Variants in SFMBT1 observed in about 807,000 individuals in gnomAD.
SFMBT1 encodes the protein scm-like with four MBT domains protein 1.
A neutral mutation model predicts 108.7 loss-of-function variants in SFMBT1; 32 were observed. The observed-to-expected ratio is 0.29, with a 90% CI of 0.22 to 0.40. SFMBT1 has a LOEUF of 0.40. Ranked by LOEUF, SFMBT1 falls within the 10% of genes least tolerant of loss-of-function variation. The pLI, the probability that SFMBT1 is intolerant of heterozygous loss-of-function variation, is 1.00. For synonymous variants in SFMBT1, 348 were observed against 369.5 expected, an observed-to-expected ratio of 0.94 and a Z score of 0.67; for missense variants, 816 against 1,059.6, an observed-to-expected ratio of 0.77 and a Z score of 3.19.
intron 18 of SFMBT1, 61 bp from the exon 19 acceptor site, chr3:52,907,375 A>G: frequency 6.5e-7 from 1 of 1,546,376 alleles, no homozygotes; most frequent in Non-Finnish European, 8.7e-7. Flanking sequence ...GTTTCATATG[A>G]TTAAAAAAAA....
intron 1 of SFMBT1, among the ~76,000 whole-genome samples, chr3:52,988,413 C>T (rs951079541): frequency 6.6e-6 from 1 of 152,108 alleles, no homozygotes; most frequent in Non-Finnish European, 1.5e-5. Context: ...ACAGGTCAGT[C>T]CCTCAAGAAC....
chr3:52,912,382 G>A (rs909474580), intron 16 of SFMBT1, among the ~76,000 whole-genome samples, 156 bp downstream of exon 16: 2 of 152,106 alleles, frequency 1.3e-5, no homozygotes, highest in African/African-American at 4.8e-5. Flanking sequence ...GTTTCATCAT[G>A]TTGACCAGGC....
chr3:52,956,447 A>C (rs906399460), intron 2 of SFMBT1, among the ~76,000 whole-genome samples: 1 of 151,466 alleles, frequency 6.6e-6, no homozygotes, highest in Non-Finnish European at 1.5e-5. Flanking sequence ...TGATGGAGCG[A>C]GGCACTGTCT....
chr3:52,949,194 T>C (rs995040180), intron 3 of SFMBT1, among the ~76,000 whole-genome samples: 1 of 152,180 alleles, frequency 6.6e-6, no homozygotes, highest in Non-Finnish European at 1.5e-5. Context: ...TGATTTATAT[T>C]ATTTTAAATT....
Position 52,930,772 on chromosome 3 carries a change from G to C in SFMBT1, c.795+169C>G, listed in dbSNP as rs970123604. On this transcript the variant is annotated intron_variant, in intron 7 of 20. Transcript: ENST00000394752. ...ACTTGGGGAGAAAATCTAGACAACT[G>C]TTAGAAGAAAACAAGGATGATCATC... Among the ~76,000 whole-genome samples, 4 of 152,164 alleles carry C rather than the reference G, an allele frequency of 2.6e-5. No homozygotes were observed. The East Asian group carries it at 7.7e-4, about 29-fold the overall frequency.
chr3:52,921,793 G>T lies in SFMBT1; in HGVS notation c.1170C>A (p.Leu390=). 10 of 1,613,990 alleles carry T rather than the reference G, an allele frequency of 6.2e-6. No homozygotes were observed. Among genetic ancestry groups the T allele is most frequent in the Non-Finnish European group, 8.5e-6 (10 of 1,179,980 alleles). The change falls in exon 11 of 21, where the codon CTC becomes CTA. Residue 390 remains leucine, a synonymous_variant. Transcript: ENST00000394752. The part of the protein sequence containing the change: ...SEHEFKENMK[L]EAVNPILPEE... ...CAGGGAGAATGGGGTTCACCGCCTC[G>T]AGCTTCATGTTCTCCTTAAATTCAT...
At chr3:52,921,568 A>G (rs950234134) in intron 11 of SFMBT1, 137 bp downstream of exon 11, 5 of 910,692 alleles carry the variant, frequency 5.5e-6, no homozygotes, top group Non-Finnish European at 8.1e-6. Flanking sequence ...TTTCGCTTAG[A>G]GTCTTGCATT....
intron 3 of SFMBT1, among the ~76,000 whole-genome samples, chr3:52,952,929 T>C (rs750483852): frequency 6.6e-6 from 1 of 152,144 alleles, no homozygotes; most frequent in African/African-American, 2.4e-5. Context: ...GTTTCTACCA[T>C]GTGAAGACAC....
Position 52,907,622 on chromosome 3 carries a change from T to G in SFMBT1, c.2018A>C (p.Asn673Thr). Residue 673 changes from asparagine to threonine, a missense_variant, in exon 18 of 21, where the codon AAT becomes ACT. Asn to Thr is a moderately conservative substitution (Grantham distance 65). Around this residue, in one of 5 missense-constraint regions of SFMBT1, gnomAD observed 177 missense variants for 182.0 expected, o/e 0.97. Coordinates refer to ENST00000394752, the MANE Select transcript of SFMBT1 (RefSeq NM_016329.4). ...KASKRRKRRKNVFVHKKKRSS... is the reference protein window; with the variant it reads ...KASKRRKRRKTVFVHKKKRSS... ...GCGTTTCTTCTTATGAACAAAAACA[T>G]TTTTCCGCCTCTTTCTCCTCTTACT... The G allele has an allele frequency of 6.2e-7, 1 of 1,614,168 alleles. No individual in the cohort carries two copies. The highest frequency in any genetic ancestry group is 8.5e-7 in the Non-Finnish European group (1 of 1,180,034).
chr3:52,937,513 T>A (rs1010284739), intron 4 of SFMBT1, among the ~76,000 whole-genome samples: 2 of 152,160 alleles, frequency 1.3e-5, no homozygotes, highest in African/African-American at 4.8e-5. Flanking sequence ...ATTCATAAAA[T>A]TTAGCTTCTA....
chr3:52,970,395 T>C (rs1704296390), intron 1 of SFMBT1, among the ~76,000 whole-genome samples: 1 of 152,232 alleles, frequency 6.6e-6, no homozygotes. Context: ...CATATAACCT[T>C]GGTTTTCTTT....
chr3:52,999,663 T>C (rs1359499955), intron 1 of SFMBT1, among the ~76,000 whole-genome samples: 1 of 149,122 alleles, frequency 6.7e-6, no homozygotes, highest in Non-Finnish European at 1.5e-5. Flanking sequence ...ATGAGGGGAG[T>C]GGGCCACATG....
chr3:52,954,250 A>G, intron 3 of SFMBT1, 67 bp downstream of exon 3: 1 of 1,188,790 alleles, frequency 8.4e-7, no homozygotes, highest in Non-Finnish European at 1.2e-6. Context: ...TAAATTCTCT[A>G]ATGATAATAC....
At chr3:52,905,540 A>T (rs912658614) in intron 20 of SFMBT1, among the ~76,000 whole-genome samples, 5 of 152,252 alleles carry the variant, frequency 3.3e-5, no homozygotes, top group Non-Finnish European at 2.9e-5. Flanking sequence ...TCTGTCCCAT[A>T]GAAATTTAGT....
intron 2 of SFMBT1, among the ~76,000 whole-genome samples, chr3:52,956,014 C>T (rs930442002): frequency 1.3e-5 from 2 of 152,152 alleles, no homozygotes; most frequent in Non-Finnish European, 2.9e-5. Flanking sequence ...ACCACAATTA[C>T]GTAGGCTTCA....
At chr3:52,949,867 C>T (rs943129527) in intron 3 of SFMBT1, among the ~76,000 whole-genome samples, 8 of 152,156 alleles carry the variant, frequency 5.3e-5, no homozygotes, top group African/African-American at 1.9e-4. Context: ...GCGTAATGTC[C>T]TAACATTCCT....
intron 2 of SFMBT1, among the ~76,000 whole-genome samples, chr3:52,957,424 T>C (rs1035215044): frequency 2.0e-5 from 3 of 152,162 alleles, no homozygotes; most frequent in African/African-American, 7.2e-5. Context: ...GATTCAATAC[T>C]ATTCCCATTA....
At chr3:52,961,203 C>A (rs191502943) in intron 2 of SFMBT1, among the ~76,000 whole-genome samples, 1 of 151,902 alleles carries the variant, frequency 6.6e-6, no homozygotes, top group Non-Finnish European at 1.5e-5. Flanking sequence ...GAAATAAGCC[C>A]GTCACAAAAG....
intron 1 of SFMBT1, among the ~76,000 whole-genome samples, chr3:52,982,729 CAAAAAAA>C (rs34099481): frequency 7.2e-5 from 5 of 69,112 alleles, no homozygotes; most frequent in African/African-American, 2.6e-4. Flanking sequence ...ACTCCCATCT[CAAAAAAA>C]AAAAAAAAAA....
Sources: allele counts gnomAD v4.1 joint callset (sites outside exome capture counted in the v4.1 genomes callset), GRCh38; gene constraint gnomAD v4.1.1; regional missense constraint gnomAD v4.1.1; transcripts MANE v1.5; gene names NCBI Gene and HGNC (gene_info 2026-07-23, HGNC 2026-07-21).